GLCCI1: variants seen among roughly 807,000 people sequenced by gnomAD.
The protein encoded by GLCCI1 is glucocorticoid induced 1, also known as glucocorticoid-induced transcript 1 protein.
Under a neutral mutation model 52.2 loss-of-function variants are expected in GLCCI1, and 24 were observed. The observed-to-expected ratio is 0.46, with a 90% CI of 0.33 to 0.65. The LOEUF (loss-of-function observed/expected upper bound fraction) is 0.65. GLCCI1 is among the 30% of genes least tolerant of loss of function. GLCCI1 has a pLI of 0.02. For missense variants in GLCCI1, 704 were observed against 701.5 expected (o/e 1.00, Z -0.04); for synonymous variants, 310 against 276.5 (o/e 1.12, Z -1.20).
chr7:8,060,102 G>A lies in GLCCI1; in HGVS notation c.820G>A (p.Gly274Arg). The change falls in exon 5 of 8, where the codon GGA becomes AGA. Residue 274 changes from glycine to arginine, a missense_variant. Gly to Arg is a moderately radical substitution (Grantham distance 125). Transcript: ENST00000223145. Reference protein sequence around the residue: ...HITISHTQATGSRSVPMPLSN... With the variant: ...HITISHTQATRSRSVPMPLSN... ...CCTTTATCTTATCTCATAGGCTACTGGATCAAGGTCAGTTCCTATGCCACT... is the reference window on the plus strand; with the variant it reads ...CCTTTATCTTATCTCATAGGCTACTAGATCAAGGTCAGTTCCTATGCCACT... 2 of 1,611,260 alleles carry A rather than the reference G, an allele frequency of 1.2e-6. No individual in the cohort carries two copies. The highest frequency in any genetic ancestry group is 1.1e-5 in the South Asian group (1 of 90,344).
At chr7:7,989,713 A>G (rs1780802889) in intron 1 of GLCCI1, among the ~76,000 whole-genome samples, 1 of 152,146 alleles carries the variant, frequency 6.6e-6, no homozygotes, top group Non-Finnish European at 1.5e-5. Flanking sequence ...GTAAGTAGAT[A>G]TACTAGGTGT....
intron 1 of GLCCI1, among the ~76,000 whole-genome samples, chr7:7,976,459 A>ATG: frequency 8.1e-6 from 1 of 123,360 alleles, no homozygotes; most frequent in Non-Finnish European, 1.7e-5. Flanking sequence ...AGCTTGGGCA[A>ATG]CAAGAGTGAA....
intron 5 of GLCCI1, among the ~76,000 whole-genome samples, chr7:8,066,247 C>A (rs1782628822): frequency 6.6e-6 from 1 of 152,004 alleles, no homozygotes; most frequent in African/African-American, 2.4e-5. Context: ...GTGGTACTGT[C>A]CCCTTTGTCA....
intron 2 of GLCCI1, among the ~76,000 whole-genome samples, chr7:8,008,287 C>CT (rs371599508): frequency 0.056 from 7,794 of 139,880 alleles, 527 homozygotes; most frequent in African/African-American, 0.16. Flanking sequence ...TGTTGTATAT[C>CT]TTTTTTTTTT....
chr7:8,049,293 C>T (rs1782204867), intron 3 of GLCCI1, among the ~76,000 whole-genome samples: 1 of 152,080 alleles, frequency 6.6e-6, no homozygotes, highest in African/African-American at 2.4e-5. Flanking sequence ...TCTGCCCTAA[C>T]ATTCTGTTCA....
chr7:8,076,208 G>A (rs1451995333), intron 6 of GLCCI1, among the ~76,000 whole-genome samples: 1 of 151,808 alleles, frequency 6.6e-6, no homozygotes, highest in East Asian at 1.9e-4. Flanking sequence ...CTTTTCTTTT[G>A]GGGGTTTATA....
chr7:8,063,389 AC>A (rs1782558606), intron 5 of GLCCI1, among the ~76,000 whole-genome samples: 1 of 151,008 alleles, frequency 6.6e-6, no homozygotes, highest in African/African-American at 2.4e-5. Context: ...CAGGCAATCC[AC>A]CCACCTCAGC....
At chr7:8,045,578 G>T (rs1349943396) in intron 3 of GLCCI1, among the ~76,000 whole-genome samples, 1 of 152,158 alleles carries the variant, frequency 6.6e-6, no homozygotes, top group East Asian at 1.9e-4. Context: ...CGTGTTTTAG[G>T]CAGTGCAACT....
chr7:8,027,941 G>A (rs1781658305), intron 3 of GLCCI1, among the ~76,000 whole-genome samples: 1 of 152,132 alleles, frequency 6.6e-6, no homozygotes, highest in Admixed American at 6.5e-5. Flanking sequence ...TATATGTACT[G>A]GAGCACCCAG....
intron 1 of GLCCI1, among the ~76,000 whole-genome samples, chr7:7,986,387 G>C (rs1037400181): frequency 9.2e-5 from 14 of 151,686 alleles, no homozygotes; most frequent in African/African-American, 2.9e-4. Flanking sequence ...GGGGAGGGGG[G>C]GGTGGCAGGC....
chr7:8,010,068 A>G (rs1317682689), intron 2 of GLCCI1, among the ~76,000 whole-genome samples: 2 of 152,042 alleles, frequency 1.3e-5, no homozygotes, highest in African/African-American at 4.8e-5. Flanking sequence ...TAGGCCTTAA[A>G]CTTTTTCTGA....
rs553124525 is a variant in GLCCI1, at chr7:7,994,767, C to G, written c.458-9141C>G. On this transcript the variant is annotated intron_variant, in intron 1 of 7. Coordinates refer to ENST00000223145, the MANE Select transcript of GLCCI1 (RefSeq NM_138426.4). Reference sequence around the variant, plus strand: ...CCAGCATCTTCATATTGTTGGAATACATTGACAAAACTTCTATATAAGGAA... The same window carrying G: ...CCAGCATCTTCATATTGTTGGAATAGATTGACAAAACTTCTATATAAGGAA... Among the ~76,000 whole-genome samples, 22 of 152,212 alleles carry G rather than the reference C, an allele frequency of 1.4e-4. 1 individual carries two copies. Among genetic ancestry groups the G allele is most frequent in the Non-Finnish European group, 2.6e-4 (18 of 68,036 alleles).
chr7:8,010,574 G>T (rs1781244400), intron 2 of GLCCI1, among the ~76,000 whole-genome samples: 1 of 152,124 alleles, frequency 6.6e-6, no homozygotes, highest in Non-Finnish European at 1.5e-5. Flanking sequence ...TAAATTAAAA[G>T]AAGTAAATAT....
At chr7:8,060,737 G>A (rs1440378545) in intron 5 of GLCCI1, among the ~76,000 whole-genome samples, 1 of 152,136 alleles carries the variant, frequency 6.6e-6, no homozygotes, top group Non-Finnish European at 1.5e-5. Flanking sequence ...TGGAAATTTG[G>A]ATTGTTTTAG....
chr7:8,042,299 G>A (rs80109293), intron 3 of GLCCI1, among the ~76,000 whole-genome samples: 1 of 152,296 alleles, frequency 6.6e-6, no homozygotes, highest in East Asian at 1.9e-4. Flanking sequence ...TGATTCCTTT[G>A]ATGAATCTGG....
At chr7:8,027,781 T>C (rs188461127) in intron 3 of GLCCI1, among the ~76,000 whole-genome samples, 90 of 152,052 alleles carry the variant, frequency 5.9e-4, no homozygotes, top group African/African-American at 1.5e-3. Flanking sequence ...TGGAAAGATA[T>C]TCCATGCCAG....
At chr7:7,992,043 TTTTC>T (rs60028694) in intron 1 of GLCCI1, among the ~76,000 whole-genome samples, 37,204 of 128,428 alleles carry the variant, frequency 0.29, 5,251 homozygotes, top group African/African-American at 0.33. Context: ...AGAATTTATT[TTTTC>T]TTTCTTTCTT....
intron 6 of GLCCI1, among the ~76,000 whole-genome samples, chr7:8,078,251 C>G (rs1158620015): frequency 1.4e-5 from 2 of 147,924 alleles, no homozygotes; most frequent in Non-Finnish European, 3.0e-5. Context: ...TCATAAGAGT[C>G]CTTGTAAGCT....
chr7:8,061,513 G>A (rs538629111), intron 5 of GLCCI1, among the ~76,000 whole-genome samples: 28 of 152,028 alleles, frequency 1.8e-4, no homozygotes, highest in Non-Finnish European at 3.7e-4. Context: ...TTAAAATCTT[G>A]ATGAATATTG....
Sources: gnomAD v4.1 joint callset for allele counts (sites outside exome capture counted in the v4.1 genomes callset) on GRCh38, gnomAD v4.1.1 for gene constraint, MANE v1.5 for transcripts, NCBI Gene and HGNC (gene_info 2026-07-23, HGNC 2026-07-21) for gene names.